The following POC1B variants were observed in gnomAD, a reference collection of about 807,000 sequenced individuals.
POC1B encodes the protein POC1 centriolar protein homolog B.
Under a neutral mutation model 60.6 loss-of-function variants are expected in POC1B, and 44 were observed. That is an observed-to-expected ratio of 0.73 (90% confidence interval 0.57 to 0.93). The LOEUF is 0.93. Ranked by LOEUF, POC1B falls within the 40% of genes least tolerant of loss-of-function variation. The pLI is 0.00. For missense variants in POC1B, 555 were observed against 572.3 expected (o/e 0.97, Z 0.31); for synonymous variants, 180 against 198.9 (o/e 0.90, Z 0.80).
chr12:89,416,383 G>A (rs1307628042), downstream of POC1B, among the ~76,000 whole-genome samples: 2 of 152,136 alleles, frequency 1.3e-5, no homozygotes, highest in African/African-American at 4.8e-5. Context: ...GGAAGGGAGA[G>A]GTGCTTCATC....
At chr12:89,443,788 C>T (rs1454349149) in intron 10 of POC1B, among the ~76,000 whole-genome samples, 2 of 151,922 alleles carry the variant, frequency 1.3e-5, no homozygotes, top group Non-Finnish European at 2.9e-5. Context: ...ACACAAAAAA[C>T]CCTTCAAAAA....
intron 4 of POC1B, among the ~76,000 whole-genome samples, chr12:89,487,729 G>A (rs1045768493): frequency 2.0e-5 from 3 of 152,104 alleles, no homozygotes; most frequent in African/African-American, 7.2e-5. Flanking sequence ...TGCTCCTCCT[G>A]GCTCCCTCAT....
chr12:89,452,982 GTC>G (rs367557067), intron 10 of POC1B, among the ~76,000 whole-genome samples: 71 of 152,172 alleles, frequency 4.7e-4, no homozygotes, highest in African/African-American at 1.6e-3. Flanking sequence ...TTTGCAAATA[GTC>G]TCTTTCCAGT....
intron 3 of POC1B, among the ~76,000 whole-genome samples, chr12:89,495,818 A>G (rs1869219020): frequency 6.6e-6 from 1 of 152,056 alleles, no homozygotes; most frequent in African/African-American, 2.4e-5. Flanking sequence ...ATGGAGTACA[A>G]TGGCATGATC....
rs1200137384 is a variant in POC1B at position 89,525,186 on chromosome 12, G to A, written c.34C>T (p.Arg12Cys). 1 of 1,611,950 alleles carries A rather than the reference G, an allele frequency of 6.2e-7. No homozygotes were observed. Among genetic ancestry groups the A allele is most frequent in the South Asian group, 1.1e-5 (1 of 91,028 alleles). ...ASATEDPVLE[R>C]YFKGHKAAIT... ...GCAGCTTTGTGGCCTTTGAAATAACGCTCCAGAACGGGGTCCTCCTGGAAA... is the reference window on the plus strand; with the variant it reads ...GCAGCTTTGTGGCCTTTGAAATAACACTCCAGAACGGGGTCCTCCTGGAAA... Residue 12 changes from arginine (R) to cysteine (C), a missense_variant, in exon 2 of 12, where the codon CGT becomes TGT. Physicochemically the swap from Arg to Cys is radical, Grantham distance 180. Coordinates refer to ENST00000313546, the MANE Select transcript of POC1B (RefSeq NM_172240.3).
At chr12:89,503,974 TCCGGGAGGGAGGTGGG>T (rs1869758969) in intron 2 of POC1B, among the ~76,000 whole-genome samples, 1 of 143,806 alleles carries the variant, frequency 7.0e-6, no homozygotes, top group Admixed American at 6.8e-5. Flanking sequence ...AGCCGCCCCG[TCCGGGAGGGAGGTGGG>T]GGGCGCCTCT....
chr12:89,523,355 G>A lies in POC1B; in HGVS notation c.100+1765C>T, dbSNP rs1161338278. On this transcript the variant is annotated intron_variant, in intron 2 of 11. Coordinates refer to ENST00000313546, the MANE Select transcript of POC1B (RefSeq NM_172240.3). ...CCATAAGCTTCTTTTCTTGCTGGAG[G>A]GTTTCTATTGTAGAAGTGCTCTTTG... is the stretch of plus-strand genomic sequence containing the variant. 3.1e-6 allele frequency: 5 copies of A among 1,613,930 alleles called. No individual in the cohort carries two copies. The South Asian group carries it at 3.3e-5, about 11-fold the overall frequency.
chr12:89,463,020 A>C (rs1882535212), intron 9 of POC1B, among the ~76,000 whole-genome samples: 1 of 152,222 alleles, frequency 6.6e-6, no homozygotes, highest in African/African-American at 2.4e-5. Context: ...TTATTAGAAG[A>C]TTGAGATAAA....
the POC1B span, among the ~76,000 whole-genome samples, chr12:89,414,194 A>T: frequency 3.2e-4 from 49 of 151,952 alleles, no homozygotes; most frequent in Admixed American, 1.1e-3. Context: ...TGCCCAGCCA[A>T]TTTTTTCTAT....
intron 10 of POC1B, among the ~76,000 whole-genome samples, chr12:89,439,260 T>A (rs1362663806): frequency 2.6e-5 from 4 of 152,298 alleles, no homozygotes; most frequent in Middle Eastern, 3.4e-3. Flanking sequence ...TTGGCTCACA[T>A]AACACCTTGC....
chr12:89,486,789 C>T (rs1868653581), intron 4 of POC1B, among the ~76,000 whole-genome samples: 2 of 152,138 alleles, frequency 1.3e-5, no homozygotes, highest in Admixed American at 1.3e-4. Context: ...AAGAAGATTT[C>T]ACTTTTCAAA....
At chr12:89,446,446 T>C (rs955121331) in intron 10 of POC1B, among the ~76,000 whole-genome samples, 11 of 152,330 alleles carry the variant, frequency 7.2e-5, no homozygotes, top group African/African-American at 2.6e-4. Flanking sequence ...GTTCATGTCC[T>C]TTTTAGGGAC....
At position 89,492,146 on chromosome 12, in the gene POC1B, C is replaced by A. The variant is rs6538189; in HGVS notation, c.273-31G>T. ...AATAAACAGTTTAATATTTATAACT[C>A]ATTTGATTTAATTATAGTTAATACT... is the stretch of plus-strand genomic sequence containing the variant. On this transcript the variant is annotated intron_variant, in intron 3 of 11. Coordinates refer to ENST00000313546, the MANE Select transcript of POC1B (RefSeq NM_172240.3). 0.23 allele frequency: 325,286 copies of A among 1,430,658 alleles called. 38,962 individuals carry two copies. The highest frequency in any genetic ancestry group is 0.36 in the South Asian group (24,368 of 67,944). The allele number at this position is 1,430,658 out of a possible 1,614,324, so 88.6% of individuals were successfully genotyped here.
At chr12:89,422,768 T>C (rs541256046) in intron 11 of POC1B, among the ~76,000 whole-genome samples, 1 of 152,334 alleles carries the variant, frequency 6.6e-6, no homozygotes, top group South Asian at 2.1e-4. Context: ...GGTTACCTAA[T>C]GGTAGAGTTC....
intron 2 of POC1B, chr12:89,500,776 C>T: frequency 9.7e-7 from 1 of 1,027,536 alleles, no homozygotes; most frequent in East Asian, 2.6e-5. Flanking sequence ...AATAAAGTAT[C>T]AGATAAAGAG....
intron 2 of POC1B, chr12:89,502,328 C>G: frequency 6.2e-7 from 1 of 1,611,576 alleles, no homozygotes; most frequent in South Asian, 1.1e-5. Flanking sequence ...GTTCGCAGGA[C>G]CAAGAGAACA....
intron 3 of POC1B, among the ~76,000 whole-genome samples, chr12:89,494,802 T>C (rs1045725727): frequency 1.3e-5 from 2 of 152,148 alleles, no homozygotes; most frequent in African/African-American, 4.8e-5. Flanking sequence ...AAGACGCCAT[T>C]GCCACAACCC....
chr12:89,447,134 A>C (rs1295987783), intron 10 of POC1B, among the ~76,000 whole-genome samples: 1 of 152,218 alleles, frequency 6.6e-6, no homozygotes, highest in African/African-American at 2.4e-5. Context: ...TTTTCAATAC[A>C]TTTAAGGTGA....
chr12:89,425,047 T>C (rs1880702245), intron 11 of POC1B, 114 bp downstream of exon 11: 1 of 1,057,014 alleles, frequency 9.5e-7, no homozygotes, highest in Non-Finnish European at 1.4e-6. Flanking sequence ...TGAGTTTGCT[T>C]TGCTAGTATA....
Sources: gnomAD v4.1 joint callset for allele counts (sites outside exome capture counted in the v4.1 genomes callset) on GRCh38, gnomAD v4.1.1 for gene constraint, MANE v1.5 for transcripts, NCBI Gene and HGNC (gene_info 2026-07-23, HGNC 2026-07-21) for gene names.